Variants in TLK1 observed in about 807,000 individuals in gnomAD.
TLK1 encodes serine/threonine-protein kinase tousled-like 1.
Under a neutral mutation model 105.3 loss-of-function variants are expected in TLK1, and 24 were observed. The ratio of observed to expected loss-of-function variants is 0.23; its 90% CI spans 0.17 to 0.32. TLK1 has a LOEUF of 0.32. TLK1 is among the 10% of genes least tolerant of loss of function. TLK1 has a pLI of 1.00. For missense variants in TLK1, 558 were observed against 910.5 expected (o/e 0.61, Z 4.98); for synonymous variants, 321 against 310.4 (o/e 1.03, Z -0.36).
intron 14 of TLK1, among the ~76,000 whole-genome samples, chr2:171,009,036 A>C (rs1684777262): frequency 6.6e-6 from 1 of 152,154 alleles, no homozygotes; most frequent in Non-Finnish European, 1.5e-5. Context: ...TTCACCCATT[A>C]AGTGCTTAAG....
chr2:171,155,068 C>T (rs1692182385), intron 1 of TLK1, among the ~76,000 whole-genome samples: 1 of 152,114 alleles, frequency 6.6e-6, no homozygotes, highest in African/African-American at 2.4e-5. Flanking sequence ...TCTAGTTATA[C>T]TTAATATGCA....
At chr2:171,197,171 GA>G (rs1017266203) in intron 1 of TLK1, among the ~76,000 whole-genome samples, 5 of 151,948 alleles carry the variant, frequency 3.3e-5, no homozygotes, top group African/African-American at 1.2e-4. Flanking sequence ...TAATGGTGGT[GA>G]AAAAAATAAG....
intron 1 of TLK1, among the ~76,000 whole-genome samples, chr2:171,222,239 A>C (rs1693822111): frequency 6.6e-6 from 1 of 152,252 alleles, no homozygotes; most frequent in South Asian, 2.1e-4. Flanking sequence ...CATGCATCAC[A>C]AATTAGAAAG....
intron 2 of TLK1, among the ~76,000 whole-genome samples, chr2:171,094,838 C>T (rs931649076): frequency 6.6e-6 from 1 of 152,106 alleles, no homozygotes; most frequent in African/African-American, 2.4e-5. Context: ...GAACTCCTGA[C>T]CTCAGGTGAT....
At position 171,084,180 on chromosome 2, in the gene TLK1, C is replaced by G. The variant is rs373397540; in HGVS notation, c.259-1328G>C. The stretch of plus-strand genomic sequence containing the variant: ...CAGAAAGAAACAGATGTCTGATAAC[C>G]GAGAACAAAAGACACCTAAAACAGC... On this transcript the variant is annotated intron_variant, in intron 2 of 20. Coordinates refer to ENST00000431350, the MANE Select transcript of TLK1 (RefSeq NM_012290.5). 4.6e-5 allele frequency among the ~76,000 whole-genome samples: 7 copies of G among 152,018 alleles called. No homozygotes were observed. In the South Asian group the frequency reaches 1.0e-3, roughly 23 times the overall value.
intron 4 of TLK1, among the ~76,000 whole-genome samples, chr2:171,060,285 T>TG (rs895364648): frequency 3.9e-5 from 6 of 152,080 alleles, no homozygotes; most frequent in African/African-American, 1.4e-4. Context: ...AACTACAACC[T>TG]GGGGGAGGCT....
At chr2:171,047,651 A>T (rs1687024319) in intron 10 of TLK1, among the ~76,000 whole-genome samples, 1 of 152,222 alleles carries the variant, frequency 6.6e-6, no homozygotes. Context: ...TTAATAAGTA[A>T]ATCTTAAGGC....
At chr2:171,028,239 T>G in intron 12 of TLK1, 100 bp downstream of exon 12, 2 of 782,986 alleles carry the variant, frequency 2.6e-6, no homozygotes, top group Non-Finnish European at 2.2e-6. Flanking sequence ...GAAATCTTAC[T>G]CTCTTAAATT....
intron 1 of TLK1, among the ~76,000 whole-genome samples, chr2:171,194,159 C>A (rs1693216215): frequency 6.6e-6 from 1 of 152,160 alleles, no homozygotes; most frequent in Non-Finnish European, 1.5e-5. Context: ...AAATATATTT[C>A]TTTAAGCCTT....
At chr2:171,183,767 A>G (rs922984690) in intron 1 of TLK1, among the ~76,000 whole-genome samples, 3 of 152,122 alleles carry the variant, frequency 2.0e-5, no homozygotes, top group African/African-American at 7.2e-5. Flanking sequence ...ATCCTACTAC[A>G]TTTTTTCATA....
intron 12 of TLK1, among the ~76,000 whole-genome samples, chr2:171,020,605 G>C (rs1685450370): frequency 6.6e-6 from 1 of 151,270 alleles, no homozygotes; most frequent in Non-Finnish European, 1.5e-5. Context: ...AACAATTAAG[G>C]AGAAAATTAC....
intron 1 of TLK1, among the ~76,000 whole-genome samples, chr2:171,127,956 G>GT (rs1274170140): frequency 4.6e-5 from 7 of 152,176 alleles, no homozygotes; most frequent in Non-Finnish European, 7.4e-5. Flanking sequence ...TCTGACAACA[G>GT]TAAGTATAGA....
intron 1 of TLK1, among the ~76,000 whole-genome samples, chr2:171,127,997 T>C (rs774350949): frequency 6.6e-6 from 1 of 152,168 alleles, no homozygotes; most frequent in Non-Finnish European, 1.5e-5. Context: ...GGTATACATG[T>C]TCAATTATAT....
rs917987431 is a variant in TLK1, at chr2:171,189,313, C to T, written c.-6+41832G>A. 5.9e-5 allele frequency among the ~76,000 whole-genome samples: 9 copies of T among 152,002 alleles called. No homozygotes were observed. The East Asian group carries it at 9.7e-4, about 16-fold the overall frequency. On this transcript the variant is annotated intron_variant, in intron 1 of 20. Transcript: ENST00000521943. ...TCCTGAATAGCTGGGATTACAGGCGCCCACCACCATGCCCTGTTAAGTTTT... is the reference window on the plus strand; with the variant it reads ...TCCTGAATAGCTGGGATTACAGGCGTCCACCACCATGCCCTGTTAAGTTTT...
intron 2 of TLK1, among the ~76,000 whole-genome samples, chr2:171,098,180 T>A (rs780508422): frequency 6.6e-6 from 1 of 152,146 alleles, no homozygotes; most frequent in Non-Finnish European, 1.5e-5. Context: ...AGCTCTAATG[T>A]ACAGTATGGT....
chr2:171,160,609 G>C lies in TLK1; in HGVS notation c.-181C>G. On this transcript the variant is annotated 5_prime_UTR_variant, in exon 1 of 21. Transcript: ENST00000431350. The surrounding 1 kb of genome is among the most constrained non-coding windows in gnomAD (Gnocchi z 4.4). ...AAGAGGGGAGGTGGGGAGGAAAGAG[G>C]TGAGGGAAGGAGAGGGGACAGGGAG... The C allele has an allele frequency of 1.0e-6, 1 of 969,174 alleles. No individual in the cohort carries two copies. The allele number at this position is 969,174 out of a possible 1,614,324, so 60.0% of individuals were successfully genotyped here.
chr2:170,993,823 G>A lies in TLK1; in HGVS notation c.2258C>T (p.Thr753Ile). The A allele has an allele frequency of 6.2e-7, 1 of 1,611,306 alleles. No homozygotes were observed. The highest frequency in any genetic ancestry group is 8.5e-7 in the Non-Finnish European group (1 of 1,178,766). ...SSGNLHMAGLTASPTPPSSSI... is the reference protein window; with the variant it reads ...SSGNLHMAGLIASPTPPSSSI... ...TGAAGAAGGGGGTGTAGGGGATGCT[G>A]TCAGCCCAGCCATGTGTAGGTTTCC... Residue 753 changes from threonine to isoleucine, a missense_variant, in exon 21 of 21, where the codon ACA becomes ATA. Thr to Ile is a moderately conservative substitution (Grantham distance 89, BLOSUM62 -1). Coordinates refer to ENST00000431350, the MANE Select transcript of TLK1 (RefSeq NM_012290.5).
chr2:171,140,377 AT>A (rs1206591016), intron 1 of TLK1, among the ~76,000 whole-genome samples: 1 of 152,210 alleles, frequency 6.6e-6, no homozygotes, highest in Non-Finnish European at 1.5e-5. Context: ...TGGGGCCAGA[AT>A]TCACTAAGTT....
chr2:171,036,423 A>G (rs1465849836), intron 11 of TLK1, among the ~76,000 whole-genome samples: 1 of 152,214 alleles, frequency 6.6e-6, no homozygotes, highest in Non-Finnish European at 1.5e-5. Flanking sequence ...TAAAAAGTTT[A>G]AACAGATTGT....
Sources: allele counts gnomAD v4.1 joint callset (sites outside exome capture counted in the v4.1 genomes callset), GRCh38; gene constraint gnomAD v4.1.1; non-coding constraint Gnocchi (gnomAD v3.1); transcripts MANE v1.5; gene names NCBI Gene and HGNC (gene_info 2026-07-23, HGNC 2026-07-21).